Variants in SCCPDH observed in about 807,000 individuals in gnomAD.
SCCPDH encodes the protein saccharopine dehydrogenase (putative).
In SCCPDH, 34 loss-of-function variants were observed where a neutral mutation model predicts 51.5. That is an observed-to-expected ratio of 0.66 (90% CI 0.50 to 0.88). The LOEUF is 0.88. Ranked by LOEUF, SCCPDH falls within the 40% of genes least tolerant of loss-of-function variation. The pLI is 0.00. For synonymous variants in SCCPDH, 187 were observed against 191.3 expected, an observed-to-expected ratio of 0.98 and a Z score of 0.19; for missense variants, 464 against 527.1, an observed-to-expected ratio of 0.88 and a Z score of 1.17.
chr1:246,732,026 C>T (rs1668500117), intron 2 of SCCPDH, among the ~76,000 whole-genome samples: 1 of 151,958 alleles, frequency 6.6e-6, no homozygotes, highest in Non-Finnish European at 1.5e-5. Flanking sequence ...ATCCATGTCC[C>T]TGCAAAGGAC....
At chr1:246,727,955 A>G (rs1380411913) in intron 2 of SCCPDH, among the ~76,000 whole-genome samples, 1 of 152,178 alleles carries the variant, frequency 6.6e-6, no homozygotes, top group Non-Finnish European at 1.5e-5. Context: ...GCTGATTTAA[A>G]TTGGAAGTTC....
chr1:246,763,549 C>G (rs1321694256), intron 9 of SCCPDH, among the ~76,000 whole-genome samples: 1 of 152,156 alleles, frequency 6.6e-6, no homozygotes, highest in Non-Finnish European at 1.5e-5. Flanking sequence ...CAGTTCAGAA[C>G]CATTGCCCTC....
chr1:246,739,825 G>A (rs1461076975), intron 3 of SCCPDH, among the ~76,000 whole-genome samples: 2 of 151,892 alleles, frequency 1.3e-5, no homozygotes, highest in Admixed American at 6.6e-5. Flanking sequence ...CTTTATGTCT[G>A]TGATGATGTT....
intron 2 of SCCPDH, among the ~76,000 whole-genome samples, chr1:246,734,882 C>T (rs1668545084): frequency 1.3e-5 from 2 of 152,152 alleles, no homozygotes; most frequent in Admixed American, 1.3e-4. Context: ...ATTTTAATTC[C>T]TTGAGTTTGA....
At chr1:246,733,486 T>G (rs1668524663) in intron 2 of SCCPDH, among the ~76,000 whole-genome samples, 1 of 93,258 alleles carries the variant, frequency 1.1e-5, no homozygotes, top group Admixed American at 1.0e-4. Context: ...TAGCATCATA[T>G]TTTATACACA....
chr1:246,758,337 G>C lies in SCCPDH; in HGVS notation c.676G>C (p.Gly226Arg). The C allele has an allele frequency of 6.2e-7, 1 of 1,600,198 alleles. No homozygotes were observed. The highest frequency in any genetic ancestry group is 8.5e-7 in the Non-Finnish European group (1 of 1,174,124). ...AAATCTGAAACCTGTCCCGCTCATT[G>C]GTCCAAAATTGAAGAGAAGGTAAAT... ...VSNLKPVPLI[G>R]PKLKRRWPIS... The change falls in exon 6 of 12, where the codon GGT (glycine) becomes CGT (arginine). Residue 226 changes from glycine (G) to arginine (R), a missense_variant. Coordinates refer to ENST00000366510, the MANE Select transcript of SCCPDH (RefSeq NM_016002.3).
In SCCPDH at chr1:246,724,628, G is replaced by T; in HGVS notation, c.190+16G>T. ...CTGAAGCTGGGTACAGCGGCGGGGC[G>T]GGACGGGGCTGCGCGGGCGGCTGGG... On this transcript the variant is annotated intron_variant, in intron 1 of 11. Transcript: ENST00000366510. The T allele has an allele frequency of 6.9e-7, 1 of 1,457,842 alleles. No homozygotes were observed. Among genetic ancestry groups the T allele is most frequent in the Non-Finnish European group, 9.0e-7 (1 of 1,115,566 alleles). The allele number at this position is 1,457,842 out of a possible 1,614,324, so 90.3% of individuals were successfully genotyped here. A position where few individuals can be genotyped will look rare whatever the true frequency, so the allele number is the denominator to read the frequency against.
At chr1:246,727,173 TGAGA>T (rs1206769440) in intron 2 of SCCPDH, among the ~76,000 whole-genome samples, 169 bp downstream of exon 2, 1 of 152,256 alleles carries the variant, frequency 6.6e-6, no homozygotes, top group East Asian at 1.9e-4. Flanking sequence ...CAAAGTCTCC[TGAGA>T]GAGTGAGTGA....
chr1:246,767,311 A>G lies in SCCPDH; in HGVS notation c.*11A>G. On this transcript the variant is annotated 3_prime_UTR_variant, in exon 12 of 12. Coordinates refer to ENST00000366510, the MANE Select transcript of SCCPDH (RefSeq NM_016002.3). ...AGCTCTGAAGTCTAAACACTGGAAG[A>G]ATTAACTGAAGTCATAACGTGCGTG... 1 of 1,509,842 alleles carries G rather than the reference A, an allele frequency of 6.6e-7. No homozygotes were observed. The highest frequency in any genetic ancestry group is 1.4e-5 in the African/African-American group (1 of 71,838). 93.5% of individuals were successfully genotyped at this position (1,509,842 alleles called of 1,614,324 possible).
chr1:246,747,282 A>C lies in SCCPDH; in HGVS notation c.564+3157A>C, dbSNP rs1668775403. ...TTTCTTGGGAAGAGCTACCCAGTTT[A>C]TATGTCAAACAATAGAGAAGATTAG... is the stretch of plus-strand genomic sequence containing the variant. On this transcript the variant is annotated intron_variant, in intron 5 of 11. Transcript: ENST00000366510. Among the ~76,000 whole-genome samples the C allele has an allele frequency of 3.3e-5, 5 of 152,208 alleles. 1 individual carries two copies. The South Asian group carries it at 1.0e-3, about 31-fold the overall frequency.
chr1:246,745,151 A>G (rs977206463), intron 5 of SCCPDH, among the ~76,000 whole-genome samples: 5 of 152,208 alleles, frequency 3.3e-5, no homozygotes, highest in Non-Finnish European at 7.3e-5. Context: ...CTGAATCTAC[A>G]GTGCATTTGG....
chr1:246,750,254 T>C (rs1668831213), intron 5 of SCCPDH, among the ~76,000 whole-genome samples: 1 of 152,206 alleles, frequency 6.6e-6, no homozygotes, highest in Admixed American at 6.5e-5. Flanking sequence ...GGGGGGTACC[T>C]GTGCTGAAAG....
chr1:246,758,195 T>C, intron 5 of SCCPDH, 31 bp from the exon 6 acceptor site: 2 of 1,525,422 alleles, frequency 1.3e-6, no homozygotes, highest in Admixed American at 2.2e-5. Context: ...TACCCTTTCA[T>C]GTTTCTTTAA....
At chr1:246,751,943 T>A (rs922358512) in intron 5 of SCCPDH, among the ~76,000 whole-genome samples, 10 of 149,652 alleles carry the variant, frequency 6.7e-5, no homozygotes, top group Non-Finnish European at 1.2e-4. Flanking sequence ...CGGCTAATTT[T>A]TTTTTTTTTG....
chr1:246,732,021 T>C (rs1231354417), intron 2 of SCCPDH, among the ~76,000 whole-genome samples: 1 of 152,058 alleles, frequency 6.6e-6, no homozygotes, highest in East Asian at 1.9e-4. Context: ...GCTTCATCCA[T>C]GTCCCTGCAA....
At chr1:246,750,997 G>A (rs550700732) in intron 5 of SCCPDH, among the ~76,000 whole-genome samples, 1 of 152,228 alleles carries the variant, frequency 6.6e-6, no homozygotes, top group Non-Finnish European at 1.5e-5. Flanking sequence ...GGGGCCCCCA[G>A]TGGGTCCCTT....
chr1:246,751,098 T>C (rs1405537658), intron 5 of SCCPDH, among the ~76,000 whole-genome samples: 1 of 152,246 alleles, frequency 6.6e-6, no homozygotes, highest in Middle Eastern at 3.2e-3. Flanking sequence ...GAATTCTCTT[T>C]AGCAACTGTT....
At chr1:246,752,263 G>A (rs1558172328) in intron 5 of SCCPDH, among the ~76,000 whole-genome samples, 2 of 152,266 alleles carry the variant, frequency 1.3e-5, no homozygotes, top group Admixed American at 1.3e-4. Flanking sequence ...TTTTAATTAT[G>A]TGCTAGGTGT....
chr1:246,732,138 G>T (rs1668501902), intron 2 of SCCPDH, among the ~76,000 whole-genome samples: 1 of 152,120 alleles, frequency 6.6e-6, no homozygotes, highest in Admixed American at 6.6e-5. Context: ...TATGTTATAG[G>T]AGTGAGGCAG....
Sources: allele counts gnomAD v4.1 joint callset (sites outside exome capture counted in the v4.1 genomes callset), GRCh38; gene constraint gnomAD v4.1.1; transcripts MANE v1.5; gene names NCBI Gene and HGNC (gene_info 2026-07-23, HGNC 2026-07-21).